Variants in HNRNPM observed in about 807,000 individuals in gnomAD.
HNRNPM encodes heterogeneous nuclear ribonucleoprotein M.
In HNRNPM, 11 loss-of-function variants were observed where a neutral mutation model predicts 73.1. The ratio of observed to expected loss-of-function variants is 0.15; its 90% CI spans 0.09 to 0.25. The LOEUF is 0.25. HNRNPM is among the 10% of genes least tolerant of loss of function. The probability of loss-of-function intolerance (pLI) is 1.00; values close to 1 mark genes in which losing one functional copy is unlikely to be tolerated. For missense variants in HNRNPM, 789 were observed against 1,067.9 expected, an observed-to-expected ratio of 0.74 and a Z score of 3.64; for synonymous variants, 407 against 355.2, an observed-to-expected ratio of 1.15 and a Z score of -1.64.
At position 8,465,569 on chromosome 19, in the gene HNRNPM, C is replaced by T. The variant is rs960424209; in HGVS notation, c.630+54C>T. ...AGAAAATCAGAACTTTATGAAATGA[C>T]CTTGTCAATATGTTATAAAAGTAAT... is the stretch of plus-strand genomic sequence containing the variant. On this transcript the variant is annotated intron_variant, in intron 6 of 15. Coordinates refer to ENST00000325495, the MANE Select transcript of HNRNPM (RefSeq NM_005968.5). 2.9e-5 allele frequency: 33 copies of T among 1,120,008 alleles called. No homozygotes were observed. The South Asian group carries it at 3.2e-4, about 11-fold the overall frequency. 69.4% of individuals were successfully genotyped at this position (1,120,008 alleles called of 1,614,324 possible). A position where few individuals can be genotyped will look rare whatever the true frequency, so the allele number is the denominator to read the frequency against.
Position 8,445,043 on chromosome 19 carries a change from G to A in HNRNPM, c.45G>A (p.Glu15=), listed in dbSNP as rs757084439. Residue 15 remains glutamate (E), a synonymous_variant, in exon 1 of 16, where the codon GAG becomes GAA. Transcript: ENST00000325495. ...CGGCGGCGGAGGTGGCGGCGACGGA[G>A]ATCAAAATGGAGGAAGAGAGCGGCG... is the stretch of plus-strand genomic sequence containing the variant. ...VEAAAEVAAT[E]IKMEEESGAP... 3.0e-5 allele frequency: 43 copies of A among 1,431,770 alleles called. No individual in the cohort carries two copies. The highest frequency in any genetic ancestry group is 3.8e-5 in the Non-Finnish European group (42 of 1,096,890). The allele number at this position is 1,431,770 out of a possible 1,614,324, so 88.7% of individuals were successfully genotyped here.
At position 8,456,133 on chromosome 19, in the gene HNRNPM, C is replaced by T. The variant is rs563244017; in HGVS notation, c.283+559C>T. ...TCTGGGAAAAAATAGAGTAGACTGGCCATTGGAGAGCTCAAAATAAGGTAT... is the reference window on the plus strand; with the variant it reads ...TCTGGGAAAAAATAGAGTAGACTGGTCATTGGAGAGCTCAAAATAAGGTAT... On this transcript the variant is annotated intron_variant, in intron 2 of 15. Transcript: ENST00000325495. 3.9e-5 allele frequency among the ~76,000 whole-genome samples: 6 copies of T among 152,156 alleles called. No homozygotes were observed. In the East Asian group the frequency reaches 1.2e-3, roughly 29 times the overall value.
rs1277103039 is a variant in HNRNPM, at chr19:8,486,038, T to G, written c.1610T>G (p.Met537Arg). 1.2e-6 allele frequency: 2 copies of G among 1,605,884 alleles called. No individual in the cohort carries two copies. The highest frequency in any genetic ancestry group is 1.7e-6 in the Non-Finnish European group (2 of 1,179,356). The change falls in exon 14 of 16, where the codon ATG (methionine) becomes AGG (arginine). Residue 537 changes from methionine (M) to arginine (R), a missense_variant. Met to Arg is a moderately conservative substitution (Grantham distance 91). Transcript: ENST00000325495. ...LSMERMVPAG[M>R]GAGLERMGPV... ...ATGGAGCGCATGGTGCCCGCAGGTA[T>G]GGGAGCTGGCCTGGAGCGCATGGGC... is the stretch of plus-strand genomic sequence containing the variant.
chr19:8,455,004 C>T (rs114937185), intron 1 of HNRNPM, among the ~76,000 whole-genome samples: 2,016 of 152,102 alleles, frequency 0.013, 35 homozygotes, highest in African/African-American at 0.045. Flanking sequence ...GACAGGGTCT[C>T]GCTCTGTCAC....
intron 12 of HNRNPM, among the ~76,000 whole-genome samples, chr19:8,479,995 G>A (rs1970795821): frequency 7.0e-6 from 1 of 143,712 alleles, no homozygotes; most frequent in Non-Finnish European, 1.5e-5. Context: ...GGCTGGTCTT[G>A]AACTCGGGAC....
Position 8,465,378 on chromosome 19 carries a change from G to A in HNRNPM, c.493G>A (p.Gly165Ser). ...RAMQKVMATT[G>S]GMGMGPGGPG... Reference sequence around the variant, plus strand: ...AATGCAAAAGGTGATGGCTACGACTGGTGGGATGGGTATGGGACCAGGTGG... The same window carrying A: ...AATGCAAAAGGTGATGGCTACGACTAGTGGGATGGGTATGGGACCAGGTGG... Residue 165 changes from glycine to serine, a missense_variant, in exon 6 of 16, where the codon GGT becomes AGT. Physicochemically the swap from Gly to Ser is moderately conservative, Grantham distance 56. Transcript: ENST00000325495. 1 of 1,613,732 alleles carries A rather than the reference G, an allele frequency of 6.2e-7. No homozygotes were observed. The highest frequency in any genetic ancestry group is 8.5e-7 in the Non-Finnish European group (1 of 1,179,872).
Position 8,471,323 on chromosome 19 carries a change from C to A in HNRNPM, c.896-3C>A. 1 of 1,549,276 alleles carries A rather than the reference C, an allele frequency of 6.5e-7. No homozygotes were observed. Among genetic ancestry groups the A allele is most frequent in the Non-Finnish European group, 8.7e-7 (1 of 1,145,152 alleles). On this transcript the variant is annotated splice_region_variant and splice_polypyrimidine_tract_variant and intron_variant, in intron 9 of 15. Transcript: ENST00000325495. ...ACTAAGCTTCTTTCTCTTTTCTTTC[C>A]AGATGGCCTTGGTGGTATTGGCATG...
chr19:8,471,228 T>C, intron 9 of HNRNPM, 98 bp from the exon 10 acceptor site: 1 of 626,770 alleles, frequency 1.6e-6, no homozygotes, highest in Non-Finnish European at 2.7e-6. Context: ...GTGGGTAGGC[T>C]GAAGTGGATA....
At chr19:8,477,755 A>G (rs1251118721) in intron 12 of HNRNPM, among the ~76,000 whole-genome samples, 5 of 151,674 alleles carry the variant, frequency 3.3e-5, no homozygotes, top group Non-Finnish European at 7.4e-5. Context: ...CAGCCACTGC[A>G]GTTGTCAGCA....
chr19:8,479,078 CT>C (rs74176651), intron 12 of HNRNPM, among the ~76,000 whole-genome samples: 175 of 73,820 alleles, frequency 2.4e-3, no homozygotes, highest in Middle Eastern at 0.014. Flanking sequence ...TTCTTTCTTT[CT>C]TTTTTTTTTT....
At position 8,467,563 on chromosome 19, in the gene HNRNPM, T is replaced by C. The variant is rs1458358993; in HGVS notation, c.813T>C (p.Asp271=). The change falls in exon 8 of 16, where the codon GAT becomes GAC. Residue 271 remains aspartate, a synonymous_variant. Coordinates refer to ENST00000325495, the MANE Select transcript of HNRNPM (RefSeq NM_005968.5). The part of the protein sequence containing the change: ...ISMFNGQLLF[D]RPMHVKMDER... ...TGTTCAATGGCCAGCTGCTATTTGA[T>C]AGACCAATGCACGTCAAGATGGTAA... 6.2e-7 allele frequency: 1 copy of C among 1,612,504 alleles called. No individual in the cohort carries two copies. Among genetic ancestry groups the C allele is most frequent in the Non-Finnish European group, 8.5e-7 (1 of 1,178,496 alleles).
intron 1 of HNRNPM, among the ~76,000 whole-genome samples, chr19:8,454,683 C>CTT (rs1568263019): frequency 4.0e-5 from 5 of 124,204 alleles, no homozygotes; most frequent in African/African-American, 1.4e-4. Context: ...GCCCCCCCCC[C>CTT]CTTTTTTTTT....
rs1971255437 is a variant in HNRNPM, at chr19:8,485,915, G to A, written c.1487G>A (p.Arg496His). The part of the protein sequence containing the change: ...MGAGMGFGLE[R>H]MAAPIDRVGQ... The stretch of plus-strand genomic sequence containing the variant: ...GCCGGCATGGGCTTCGGCCTTGAGC[G>A]CATGGCCGCTCCCATCGACCGTGTG... Residue 496 changes from arginine (R) to histidine (H), a missense_variant, in exon 14 of 16, where the codon CGC (arginine) becomes CAC (histidine). Coordinates refer to ENST00000325495, the MANE Select transcript of HNRNPM (RefSeq NM_005968.5). The A allele has an allele frequency of 2.5e-6, 4 of 1,604,998 alleles. No homozygotes were observed. Among genetic ancestry groups the A allele is most frequent in the East Asian group, 2.2e-5 (1 of 44,792 alleles).
intron 12 of HNRNPM, among the ~76,000 whole-genome samples, chr19:8,476,872 TC>T (rs1301826776): frequency 6.9e-6 from 1 of 145,170 alleles, no homozygotes; most frequent in Non-Finnish European, 1.5e-5. Context: ...CCTGCCGCCG[TC>T]CCCCCCACCC....
At position 8,488,586 on chromosome 19, in the gene HNRNPM, G is replaced by A. The variant is rs140674749; in HGVS notation, c.2030-105G>A. 1.2e-3 allele frequency: 1,130 copies of A among 973,632 alleles called. 3 individuals are homozygous for A. The African/African-American group carries it at 0.015, about 13-fold the overall frequency. The allele number at this position is 973,632 out of a possible 1,614,324, so 60.3% of individuals were successfully genotyped here. A position where few individuals can be genotyped will look rare whatever the true frequency, so the allele number is the denominator to read the frequency against. On this transcript the variant is annotated intron_variant, in intron 15 of 15. Transcript: ENST00000325495. Reference sequence around the variant, plus strand: ...TCATTGGTTCTCGCCATTGTATTCTGAGCCTTTGTGCTCTAGGCTTCAGGG... The same window carrying A: ...TCATTGGTTCTCGCCATTGTATTCTAAGCCTTTGTGCTCTAGGCTTCAGGG...
rs75831614 is a variant in HNRNPM, at chr19:8,487,981, A to G, written c.2030-710A>G. On this transcript the variant is annotated intron_variant, in intron 15 of 15. Coordinates refer to ENST00000325495, the MANE Select transcript of HNRNPM (RefSeq NM_005968.5). ...ACAAGCCCCTTGAAGACCTGGTCCTATCCTCCTCCATCTCCCTCCTGTCCC... is the reference window on the plus strand; with the variant it reads ...ACAAGCCCCTTGAAGACCTGGTCCTGTCCTCCTCCATCTCCCTCCTGTCCC... The G allele has an allele frequency of 4.7e-3, 710 of 152,450 alleles. 7 individuals are homozygous for G. Among genetic ancestry groups the G allele is most frequent in the African/African-American group, 0.016 (670 of 41,530 alleles). The allele number at this position is 152,450 out of a possible 1,614,324, so 9.4% of individuals were successfully genotyped here.
intron 13 of HNRNPM, 118 bp downstream of exon 13, chr19:8,483,329 G>T (rs1971052427): frequency 2.7e-6 from 2 of 752,556 alleles, no homozygotes; most frequent in Non-Finnish European, 4.6e-6. Context: ...GGTGGGAGCA[G>T]CTCTGCCTTT....
At chr19:8,455,745 G>GTTTTTTTTTTTTTTTTGTT (rs34467960) in intron 2 of HNRNPM, among the ~76,000 whole-genome samples, 171 bp downstream of exon 2, 1 of 144,118 alleles carries the variant, frequency 6.9e-6, no homozygotes. Flanking sequence ...TTTGTTTTGT[G>GTTTTTTTTTTTTTTTTGTT]TTTTTTTTTT....
chr19:8,484,281 A>G (rs1380960761), intron 13 of HNRNPM, among the ~76,000 whole-genome samples: 2 of 148,394 alleles, frequency 1.3e-5, no homozygotes, highest in Non-Finnish European at 3.0e-5. Context: ...GGTTCAAGCG[A>G]TTCTCCTGCC....
Sources: allele counts gnomAD v4.1 joint callset (sites outside exome capture counted in the v4.1 genomes callset), GRCh38; gene constraint gnomAD v4.1.1; transcripts MANE v1.5; gene names NCBI Gene and HGNC (gene_info 2026-07-23, HGNC 2026-07-21).